PTCHD4: variants seen among roughly 807,000 people sequenced by gnomAD.
PTCHD4 encodes patched domain-containing protein 4.
PTCHD4 carries 33 observed loss-of-function variants against 58.1 expected under a neutral mutation model. The observed-to-expected ratio is 0.57, with a 90% CI of 0.43 to 0.76. The LOEUF is 0.76. PTCHD4 is among the 30% of genes least tolerant of loss of function. The pLI is 0.00. For missense variants in PTCHD4, 1,058 were observed against 1,027.1 expected (o/e 1.03, Z -0.41); for synonymous variants, 478 against 409.6 (o/e 1.17, Z -2.02).
At chr6:48,043,424 C>A (rs1286628608) in intron 3 of PTCHD4, among the ~76,000 whole-genome samples, 1 of 151,672 alleles carries the variant, frequency 6.6e-6, no homozygotes, top group Non-Finnish European at 1.5e-5. Context: ...TGAAAGGCAG[C>A]GTTTTTTTGA....
rs550404197 is a variant in PTCHD4, at chr6:48,001,106, G to A, written c.898+7528C>T. ...AACCACTGCTCAATGAAATAAAAGA[G>A]GATACAAAAAAAATGGAAGAACATT... On this transcript the variant is annotated intron_variant, in intron 4 of 4. Coordinates refer to ENST00000339488, the MANE Select transcript of PTCHD4 (RefSeq NM_001384253.1). Among the ~76,000 whole-genome samples, 34 of 152,022 alleles carry A rather than the reference G, an allele frequency of 2.2e-4. No individual in the cohort carries two copies. In the South Asian group the frequency reaches 6.6e-3, roughly 30 times the overall value.
intron 3 of PTCHD4, among the ~76,000 whole-genome samples, chr6:48,050,641 T>C (rs956430825): frequency 6.6e-6 from 1 of 151,984 alleles, no homozygotes; most frequent in Non-Finnish European, 1.5e-5. Context: ...TTGGAGCAGG[T>C]CCTGTTCCAA....
In PTCHD4 at chr6:48,068,813, T is replaced by C. The variant is rs1330028763; in HGVS notation, c.5+140A>G. 3.2e-6 allele frequency: 2 copies of C among 631,228 alleles called. No homozygotes were observed. Among genetic ancestry groups the C allele is most frequent in the Non-Finnish European group, 5.4e-6 (2 of 369,090 alleles). 39.1% of individuals were successfully genotyped at this position (631,228 alleles called of 1,614,324 possible). A position where few individuals can be genotyped will look rare whatever the true frequency, so the allele number is the denominator to read the frequency against. On this transcript the variant is annotated intron_variant, in intron 2 of 4. Coordinates refer to ENST00000339488, the MANE Select transcript of PTCHD4 (RefSeq NM_001384253.1). The surrounding 1 kb of genome is among the most constrained non-coding windows in gnomAD (Gnocchi z 4.2). ...CGGCCCCACCTCCATGCGCTCCTACTACTCTTTCAAACACTGCAGCAAGTT... is the reference window on the plus strand; with the variant it reads ...CGGCCCCACCTCCATGCGCTCCTACCACTCTTTCAAACACTGCAGCAAGTT...
chr6:48,011,410 C>T (rs138989406), intron 3 of PTCHD4, among the ~76,000 whole-genome samples: 40 of 148,770 alleles, frequency 2.7e-4, no homozygotes, highest in East Asian at 1.9e-3. Context: ...ATCCTTTGCC[C>T]ACCTTTTGAT....
rs542988502 is a variant in PTCHD4 at position 47,982,393 on chromosome 6, C to A, written c.898+26241G>T. On this transcript the variant is annotated intron_variant, in intron 4 of 4. Coordinates refer to ENST00000339488, the MANE Select transcript of PTCHD4 (RefSeq NM_001384253.1). ...ATTTTATCTCTGTGCCTGTCATGTC[C>A]TAAACAGTCCTTATTTGTTCATATG... Among the ~76,000 whole-genome samples the A allele has an allele frequency of 7.4e-4, 113 of 151,974 alleles. 1 individual carries two copies. In the South Asian group the frequency reaches 0.014, roughly 19 times the overall value.
At chr6:48,026,702 G>GA (rs1026439276) in intron 3 of PTCHD4, among the ~76,000 whole-genome samples, 1 of 152,094 alleles carries the variant, frequency 6.6e-6, no homozygotes, top group Non-Finnish European at 1.5e-5. Flanking sequence ...GACTGAAAGA[G>GA]AAAACCATCT....
At chr6:48,006,636 G>T (rs982680169) in intron 4 of PTCHD4, among the ~76,000 whole-genome samples, 1 of 152,132 alleles carries the variant, frequency 6.6e-6, no homozygotes. Context: ...TTGGTGACAA[G>T]AATTTTTTTA....
chr6:47,962,876 C>T (rs894133303), intron 4 of PTCHD4, among the ~76,000 whole-genome samples: 2 of 150,794 alleles, frequency 1.3e-5, no homozygotes, highest in Non-Finnish European at 2.9e-5. Flanking sequence ...GAAAAATAGG[C>T]ATGCCAGGTG....
At chr6:47,902,441 G>A (rs572980104) in intron 4 of PTCHD4, among the ~76,000 whole-genome samples, 160 of 152,266 alleles carry the variant, frequency 1.1e-3, no homozygotes, top group Non-Finnish European at 2.0e-3. Context: ...TCAAGGTACT[G>A]CATAAAATTC....
chr6:47,874,294 G>T lies in PTCHD4; in HGVS notation c.*4009C>A, dbSNP rs923420092. 1.3e-5 allele frequency among the ~76,000 whole-genome samples: 2 copies of T among 151,594 alleles called. No homozygotes were observed. Among genetic ancestry groups the T allele is most frequent in the African/African-American group, 4.8e-5 (2 of 41,354 alleles). On this transcript the variant is annotated 3_prime_UTR_variant, in exon 5 of 5. Transcript: ENST00000339488. ...CTTTCTGTGGACTTTAGGCCCTTAA[G>T]ACCAAAAGCCATGAGGCATTTATGA...
chr6:48,068,468 C>A lies in PTCHD4; in HGVS notation c.179G>T (p.Arg60Leu), dbSNP rs1327104551. 8 of 1,613,502 alleles carry A rather than the reference C, an allele frequency of 5.0e-6. No homozygotes were observed. Among genetic ancestry groups the A allele is most frequent in the Non-Finnish European group, 6.8e-6 (8 of 1,179,838 alleles). ...TITFGLSALN[R>L]FQPEGDLERL... ...CTCCAGGTCGCCCTCGGGCTGGAAG[C>A]GGTTGAGCGCGCTGAGGCCGAAGGT... Residue 60 changes from arginine to leucine, a missense_variant, in exon 3 of 5, where the codon CGC becomes CTC. By Grantham distance (102) the Arg-to-Leu change is moderately radical (BLOSUM62 -2). Transcript: ENST00000339488. This position sits in a 1 kb window ranked among gnomAD's most constrained non-coding sequence, Gnocchi z 4.2.
chr6:47,891,061 A>G (rs1013363924), intron 4 of PTCHD4, among the ~76,000 whole-genome samples: 1 of 150,326 alleles, frequency 6.7e-6, no homozygotes, highest in Non-Finnish European at 1.5e-5. Context: ...AAAAAAAAAA[A>G]AGTACAAAAA....
rs1401397445 is a variant in PTCHD4, at chr6:47,863,277, G to A, written c.*15026C>T. On this transcript the variant is annotated 3_prime_UTR_variant, in exon 5 of 5. Transcript: ENST00000339488. ...ATTTGAAAATTTTATATAAACATAAGATGTGAACATACTGCTAAGGACTGT... is the reference window on the plus strand; with the variant it reads ...ATTTGAAAATTTTATATAAACATAAAATGTGAACATACTGCTAAGGACTGT... Among the ~76,000 whole-genome samples the A allele has an allele frequency of 1.3e-5, 2 of 151,804 alleles. No homozygotes were observed. Among genetic ancestry groups the A allele is most frequent in the African/African-American group, 2.4e-5 (1 of 41,390 alleles).
chr6:48,091,603 C>A (rs868416642), intron 1 of PTCHD4, among the ~76,000 whole-genome samples: 97 of 151,900 alleles, frequency 6.4e-4, no homozygotes, highest in African/African-American at 2.1e-3. Context: ...TTTCTGTTTT[C>A]TTTCCTTCCT....
chr6:47,981,000 T>G (rs1400718845), intron 4 of PTCHD4, among the ~76,000 whole-genome samples: 1 of 152,166 alleles, frequency 6.6e-6, no homozygotes, highest in African/African-American at 2.4e-5. Context: ...TGACTGCATC[T>G]TGCAAAGGAG....
chr6:48,078,851 G>C (rs1023830817), intron 1 of PTCHD4, among the ~76,000 whole-genome samples: 3 of 152,102 alleles, frequency 2.0e-5, no homozygotes, highest in African/African-American at 7.2e-5. Flanking sequence ...GGGCGCGGTG[G>C]CTCATGCCTG....
chr6:47,874,628 A>G lies in PTCHD4; in HGVS notation c.*3675T>C, dbSNP rs531817050. Among the ~76,000 whole-genome samples, 2 of 151,810 alleles carry G rather than the reference A, an allele frequency of 1.3e-5. No homozygotes were observed. Among genetic ancestry groups the G allele is most frequent in the Non-Finnish European group, 2.9e-5 (2 of 67,828 alleles). ...TGTCTTGAATTTAACATTCAAGAAT[A>G]ACTATAATAGCATCATAAAACATTT... On this transcript the variant is annotated 3_prime_UTR_variant, in exon 5 of 5. Transcript: ENST00000339488.
Position 47,886,791 on chromosome 6 carries a change from C to T in PTCHD4, c.899-6855G>A, listed in dbSNP as rs138351190. Among the ~76,000 whole-genome samples, 673 of 152,328 alleles carry T rather than the reference C, an allele frequency of 4.4e-3. 3 individuals are homozygous for T. Among genetic ancestry groups the T allele is most frequent in the Non-Finnish European group, 6.7e-3 (458 of 68,024 alleles). On this transcript the variant is annotated intron_variant, in intron 4 of 4. Coordinates refer to ENST00000339488, the MANE Select transcript of PTCHD4 (RefSeq NM_001384253.1). ...TTTATCCATTGTTCCTTCTCTTTAG[C>T]TGGCTGATTCCTACTTAGCATGTTC...
intron 4 of PTCHD4, among the ~76,000 whole-genome samples, chr6:47,975,493 C>T (rs974758234): frequency 7.2e-5 from 11 of 152,132 alleles, no homozygotes; most frequent in African/African-American, 2.7e-4. Context: ...TGGTTTGCCA[C>T]ACCTATCAAC....
Sources: gnomAD v4.1 joint callset for allele counts (sites outside exome capture counted in the v4.1 genomes callset) on GRCh38, gnomAD v4.1.1 for gene constraint, Gnocchi (gnomAD v3.1) non-coding constraint, MANE v1.5 for transcripts, NCBI Gene and HGNC (gene_info 2026-07-23, HGNC 2026-07-21) for gene names.